POLR2M: variants seen among roughly 807,000 people sequenced by gnomAD.
POLR2M encodes the protein RNA polymerase II subunit M.
In POLR2M, 30 loss-of-function variants were observed where a neutral mutation model predicts 34.6. The observed-to-expected ratio is 0.87, with a 90% CI of 0.65 to 1.18. The LOEUF (loss-of-function observed/expected upper bound fraction) is 1.18. Among genes scored for constraint, POLR2M ranks in the 50% most tolerant of loss-of-function variants. POLR2M has a pLI of 0.00. For missense variants in POLR2M, 432 were observed against 448.7 expected (o/e 0.96, Z 0.34); for synonymous variants, 150 against 166.7 (o/e 0.90, Z 0.77).
intron 2 of POLR2M, among the ~76,000 whole-genome samples, chr15:57,710,679 T>C (rs1595984644): frequency 6.6e-6 from 1 of 152,172 alleles, no homozygotes; most frequent in Admixed American, 6.5e-5. Context: ...TTCTGTATTA[T>C]GGTCATTTAG....
rs1159556827 is a variant in POLR2M, at chr15:57,716,254, C to T, written c.*1575C>T. ...CATATTAAATATTTTGCTTTTTAGA[C>T]AGCTGTAGGATATTTTATTTCATGG... is the stretch of plus-strand genomic sequence containing the variant. On this transcript the variant is annotated 3_prime_UTR_variant, in exon 4 of 4. Coordinates refer to ENST00000299638, the MANE Select transcript of POLR2M (RefSeq NM_015532.5). 2.0e-5 allele frequency: 3 copies of T among 152,244 alleles called. No individual in the cohort carries two copies. The highest frequency in any genetic ancestry group is 4.8e-5 in the African/African-American group (2 of 41,464). The allele number at this position is 152,244 out of a possible 1,614,324, so 9.4% of individuals were successfully genotyped here.
Position 57,709,372 on chromosome 15 carries a change from G to C in POLR2M, c.758+14G>C. 1.3e-6 allele frequency: 2 copies of C among 1,599,598 alleles called. No homozygotes were observed. The highest frequency in any genetic ancestry group is 8.5e-7 in the Non-Finnish European group (1 of 1,172,900). On this transcript the variant is annotated intron_variant, in intron 2 of 3. Coordinates refer to ENST00000299638, the MANE Select transcript of POLR2M (RefSeq NM_015532.5). ...TAAAACCAATGTGTAAGTACCCTCG[G>C]AAACAGGCCTGTAACAGGAACGTGA... is the stretch of plus-strand genomic sequence containing the variant.
rs1281492659 is a variant in POLR2M at position 57,706,765 on chromosome 15, C to T, written c.-78C>T. Reference sequence around the variant, plus strand: ...GCTCGTGCCCCGGAGTCACCGCCGTCCGCGGATCCGGCGCTAGTAGCGGGG... The same window carrying T: ...GCTCGTGCCCCGGAGTCACCGCCGTTCGCGGATCCGGCGCTAGTAGCGGGG... On this transcript the variant is annotated 5_prime_UTR_variant, in exon 1 of 4. Transcript: ENST00000299638. 6.7e-7 allele frequency: 1 copy of T among 1,493,162 alleles called. No individual in the cohort carries two copies. The highest frequency in any genetic ancestry group is 9.0e-7 in the Non-Finnish European group (1 of 1,106,954). The allele number at this position is 1,493,162 out of a possible 1,614,324, so 92.5% of individuals were successfully genotyped here. A position where few individuals can be genotyped will look rare whatever the true frequency, so the allele number is the denominator to read the frequency against.
At chr15:57,712,446 T>A (rs1363407949) in intron 3 of POLR2M, among the ~76,000 whole-genome samples, 1 of 152,204 alleles carries the variant, frequency 6.6e-6, no homozygotes, top group Non-Finnish European at 1.5e-5. Flanking sequence ...TTTCATGTCT[T>A]AAAGCTCATT....
chr15:57,706,980 C>G, intron 1 of POLR2M, 25 bp downstream of exon 1: 1 of 1,563,726 alleles, frequency 6.4e-7, no homozygotes, highest in Non-Finnish European at 8.7e-7. Flanking sequence ...CGCGGAGTCT[C>G]CGCCAGGCTC....
At chr15:57,710,071 A>G (rs140684280) in intron 2 of POLR2M, among the ~76,000 whole-genome samples, 1 of 152,232 alleles carries the variant, frequency 6.6e-6, no homozygotes, top group Non-Finnish European at 1.5e-5. Flanking sequence ...GTAATACAAT[A>G]CCATGTTCTT....
At chr15:57,709,974 T>A (rs529574387) in intron 2 of POLR2M, among the ~76,000 whole-genome samples, 1 of 152,186 alleles carries the variant, frequency 6.6e-6, no homozygotes, top group Non-Finnish European at 1.5e-5. Context: ...GGGGACACAA[T>A]TAAGTCAAGA....
chr15:57,714,405 G>C (rs566996404), intron 3 of POLR2M, 131 bp from the exon 4 acceptor site: 175 of 1,470,996 alleles, frequency 1.2e-4, no homozygotes, highest in Non-Finnish European at 1.4e-4. Context: ...CATCAGGCTT[G>C]TATTGCCCAA....
In POLR2M at chr15:57,714,875, G is replaced by A. The variant is rs2040881304; in HGVS notation, c.*196G>A. Reference sequence around the variant, plus strand: ...TTGAAAAGTTTAATATTTGAATATTGTGTTTAACCACATGGTATTAAAATT... The same window carrying A: ...TTGAAAAGTTTAATATTTGAATATTATGTTTAACCACATGGTATTAAAATT... On this transcript the variant is annotated 3_prime_UTR_variant, in exon 4 of 4. Coordinates refer to ENST00000299638, the MANE Select transcript of POLR2M (RefSeq NM_015532.5). 1.2e-6 allele frequency: 1 copy of A among 847,864 alleles called. No homozygotes were observed. The highest frequency in any genetic ancestry group is 2.8e-5 in the East Asian group (1 of 35,270). 52.5% of individuals were successfully genotyped at this position (847,864 alleles called of 1,614,324 possible). A position where few individuals can be genotyped will look rare whatever the true frequency, so the allele number is the denominator to read the frequency against.
Position 57,714,812 on chromosome 15 carries a change from A to G in POLR2M, c.*133A>G. ...AGTTACACAAAGGTAGTTATAAAAA[A>G]AGCCCAGTTTGTCTTTCAGAAGGTG... is the stretch of plus-strand genomic sequence containing the variant. On this transcript the variant is annotated 3_prime_UTR_variant, in exon 4 of 4. Transcript: ENST00000299638. The G allele has an allele frequency of 7.0e-7, 1 of 1,431,452 alleles. No homozygotes were observed. The highest frequency in any genetic ancestry group is 9.3e-7 in the Non-Finnish European group (1 of 1,070,374). The allele number at this position is 1,431,452 out of a possible 1,614,324, so 88.7% of individuals were successfully genotyped here. A position where few individuals can be genotyped will look rare whatever the true frequency, so the allele number is the denominator to read the frequency against.
intron 3 of POLR2M, 70 bp from the exon 4 acceptor site, chr15:57,714,466 A>G (rs2040863511): frequency 6.3e-7 from 1 of 1,591,098 alleles, no homozygotes; most frequent in African/African-American, 1.4e-5. Flanking sequence ...ATTCTAGGTA[A>G]CTTCCCATTG....
intron 2 of POLR2M, among the ~76,000 whole-genome samples, chr15:57,711,178 A>G (rs975549581): frequency 3.4e-4 from 51 of 152,110 alleles, no homozygotes; most frequent in African/African-American, 1.2e-3. Context: ...GATTTTTCTC[A>G]TCTCCATATC....
rs2040909230 is a variant in POLR2M, at chr15:57,715,609, G to A, written c.*930G>A. The A allele has an allele frequency of 6.6e-6, 1 of 151,764 alleles. No homozygotes were observed. 9.4% of individuals were successfully genotyped at this position (151,764 alleles called of 1,614,324 possible). A position where few individuals can be genotyped will look rare whatever the true frequency, so the allele number is the denominator to read the frequency against. ...ATTTTTTTTTTGTTAAAATTGAATTGTCAGTACTTTACTTTTTTCCCCCCA... is the reference window on the plus strand; with the variant it reads ...ATTTTTTTTTTGTTAAAATTGAATTATCAGTACTTTACTTTTTTCCCCCCA... On this transcript the variant is annotated 3_prime_UTR_variant, in exon 4 of 4. Transcript: ENST00000299638.
At chr15:57,712,584 A>G (rs1363928757) in intron 3 of POLR2M, among the ~76,000 whole-genome samples, 1 of 152,190 alleles carries the variant, frequency 6.6e-6, no homozygotes, top group Non-Finnish European at 1.5e-5. Context: ...AGGAGAATGT[A>G]GTTCCCAGGC....
chr15:57,707,084 C>A, intron 1 of POLR2M, 129 bp downstream of exon 1: 1 of 1,550,294 alleles, frequency 6.5e-7, no homozygotes, highest in Non-Finnish European at 8.7e-7. Context: ...TCGCTTCAGT[C>A]CTACGGGCGA....
chr15:57,707,287 A>C, intron 1 of POLR2M: 3 of 790,850 alleles, frequency 3.8e-6, no homozygotes, highest in Non-Finnish European at 6.1e-6. Context: ...CGCACCCCTA[A>C]CCCATAACAG....
In POLR2M at chr15:57,707,104, G is replaced by A. The variant is rs113716246; in HGVS notation, c.113+149G>A. On this transcript the variant is annotated intron_variant, in intron 1 of 3. Transcript: ENST00000299638. The stretch of plus-strand genomic sequence containing the variant: ...TCAGTCCTACGGGCGAGTGGACGGA[G>A]GGCTTGCTGCGGCAGAGCCGTGCCT... 4.5e-5 allele frequency: 70 copies of A among 1,547,152 alleles called. No individual in the cohort carries two copies. In the African/African-American group the frequency reaches 8.6e-4, roughly 19 times the overall value.
Position 57,706,872 on chromosome 15 carries a change from C to T in POLR2M, c.30C>T (p.Pro10=). ...GCTCGCTGCCCCGCGGCTTCGAGCC[C>T]CAAGCTCCCGAGGACTTGGCGCAGC... MCSLPRGFE[P]QAPEDLAQRS... Residue 10 remains proline, a synonymous_variant, in exon 1 of 4, where the codon CCC becomes CCT. Transcript: ENST00000299638. 1 of 1,588,132 alleles carries T rather than the reference C, an allele frequency of 6.3e-7. No individual in the cohort carries two copies. Among genetic ancestry groups the T allele is most frequent in the South Asian group, 1.1e-5 (1 of 86,968 alleles).
At chr15:57,709,646 G>A (rs560166434) in intron 2 of POLR2M, among the ~76,000 whole-genome samples, 8 of 152,256 alleles carry the variant, frequency 5.3e-5, no homozygotes, top group Non-Finnish European at 8.8e-5. Context: ...CAGCCTGGCC[G>A]GAGTAGAAGA....
Sources: allele counts gnomAD v4.1 joint callset (sites outside exome capture counted in the v4.1 genomes callset), GRCh38; gene constraint gnomAD v4.1.1; transcripts MANE v1.5; gene names NCBI Gene and HGNC (gene_info 2026-07-23, HGNC 2026-07-21).